Variants in ADH6 observed in about 807,000 individuals in gnomAD.
The protein encoded by ADH6 is alcohol dehydrogenase 6.
In ADH6, 34 loss-of-function variants were observed where a neutral mutation model predicts 36.5. The observed-to-expected ratio is 0.93, with a 90% CI of 0.71 to 1.24. ADH6 has a LOEUF of 1.24. Ranked by LOEUF, ADH6 falls within the 50% of genes most tolerant of loss-of-function variation. ADH6 has a pLI of 0.00. For missense variants in ADH6, 440 were observed against 447.0 expected (o/e 0.98, Z 0.14); for synonymous variants, 161 against 155.5 (o/e 1.04, Z -0.26).
rs1730913163 is a variant in ADH6, at chr4:99,203,147, C to G, written c.*1072G>C. The G allele has an allele frequency of 5.4e-6, 1 of 183,824 alleles. No individual in the cohort carries two copies. 11.4% of individuals were successfully genotyped at this position (183,824 alleles called of 1,614,324 possible). A position where few individuals can be genotyped will look rare whatever the true frequency, so the allele number is the denominator to read the frequency against. On this transcript the variant is annotated 3_prime_UTR_variant, in exon 9 of 9. Coordinates refer to ENST00000394899, the MANE Select transcript of ADH6 (RefSeq NM_001102470.2). ...AGGTCATCCAAAGTTTACTGACATGCAGGGACCCCTGTGTGATCTAGTGGG... is the reference window on the plus strand; with the variant it reads ...AGGTCATCCAAAGTTTACTGACATGGAGGGACCCCTGTGTGATCTAGTGGG...
chr4:99,209,722 G>C lies in ADH6; in HGVS notation c.567+360C>G, dbSNP rs1731158071. Reference sequence around the variant, plus strand: ...GAGTTTTGTTAGCTGCTGAATTCTAGCACCTGGGACAGTGAATGGCTCCGA... The same window carrying C: ...GAGTTTTGTTAGCTGCTGAATTCTACCACCTGGGACAGTGAATGGCTCCGA... On this transcript the variant is annotated intron_variant, in intron 5 of 8. Transcript: ENST00000394899. 2.6e-5 allele frequency among the ~76,000 whole-genome samples: 4 copies of C among 152,184 alleles called. No individual in the cohort carries two copies. In the South Asian group the frequency reaches 8.3e-4, roughly 32 times the overall value.
chr4:99,204,482 G>A, intron 8 of ADH6: 1 of 1,307,992 alleles, frequency 7.6e-7, no homozygotes. Context: ...GGTTATGGCT[G>A]GTTTCTGTTT....
intron 3 of ADH6, among the ~76,000 whole-genome samples, chr4:99,211,832 C>T (rs1011794585): frequency 1.3e-5 from 2 of 152,036 alleles, no homozygotes; most frequent in Non-Finnish European, 2.9e-5. Flanking sequence ...GAAATGTGAG[C>T]AATTTCAGGG....
chr4:99,208,782 A>G lies in ADH6; in HGVS notation c.714T>C (p.Ala238=). Residue 238 remains alanine (A), a synonymous_variant, in exon 6 of 9, where the codon GCT becomes GCC. Coordinates refer to ENST00000394899, the MANE Select transcript of ADH6 (RefSeq NM_001102470.2). ...AGTCCTGAGGGTTGAGGCACTCAGT[A>G]GCACCCAATTCCTGTGCCTTCTTAA... ...EKFKKAQELG[A]TECLNPQDLK... 5.6e-6 allele frequency: 9 copies of G among 1,613,844 alleles called. No individual in the cohort carries two copies. The highest frequency in any genetic ancestry group is 7.6e-6 in the Non-Finnish European group (9 of 1,179,804).
chr4:99,202,771 G>A lies in ADH6; in HGVS notation c.*1448C>T, dbSNP rs1730900995. 1.5e-5 allele frequency: 6 copies of A among 398,178 alleles called. No homozygotes were observed. Among genetic ancestry groups the A allele is most frequent in the Non-Finnish European group, 2.2e-5 (5 of 225,768 alleles). 24.7% of individuals were successfully genotyped at this position (398,178 alleles called of 1,614,324 possible). On this transcript the variant is annotated 3_prime_UTR_variant, in exon 9 of 9. Transcript: ENST00000394899. The stretch of plus-strand genomic sequence containing the variant: ...TCTCACTGTTAGTAAGGTCAATTTG[G>A]GGGCAGAACAGGAACATGCCTTAGC...
chr4:99,217,226 CG>C (rs1196727277), intron 1 of ADH6, among the ~76,000 whole-genome samples: 4 of 151,868 alleles, frequency 2.6e-5, no homozygotes, highest in Non-Finnish European at 4.4e-5. Flanking sequence ...TTAGTAGAGA[CG>C]GGGTTTCACT....
At chr4:99,210,911 G>GA (rs1371917243) in intron 3 of ADH6, among the ~76,000 whole-genome samples, 1 of 151,840 alleles carries the variant, frequency 6.6e-6, no homozygotes, top group Non-Finnish European at 1.5e-5. Flanking sequence ...GGATTAGGGA[G>GA]AAAAAAAATT....
chr4:99,215,503 T>A (rs1274977714), intron 2 of ADH6, among the ~76,000 whole-genome samples: 1 of 152,202 alleles, frequency 6.6e-6, no homozygotes, highest in African/African-American at 2.4e-5. Context: ...GACTTGGTTA[T>A]CAGCATTTTT....
At chr4:99,218,249 C>T (rs1011378173) in intron 1 of ADH6, among the ~76,000 whole-genome samples, 6 of 152,160 alleles carry the variant, frequency 3.9e-5, no homozygotes, top group African/African-American at 1.4e-4. Flanking sequence ...CCTCCCTCTG[C>T]TACCTCTATT....
chr4:99,214,979 A>G (rs1731350920), intron 2 of ADH6, among the ~76,000 whole-genome samples: 1 of 152,208 alleles, frequency 6.6e-6, no homozygotes. Context: ...GATCGTGGTT[A>G]AAAACAGTTA....
intron 3 of ADH6, among the ~76,000 whole-genome samples, 193 bp from the exon 4 acceptor site, chr4:99,210,695 C>A (rs781174923): frequency 1.3e-5 from 2 of 152,120 alleles, no homozygotes; most frequent in Non-Finnish European, 2.9e-5. Flanking sequence ...GCATCTGGGC[C>A]CAGCCCTGGG....
Position 99,202,671 on chromosome 4 carries a change from G to A in ADH6, c.*1548C>T. 2.5e-6 allele frequency: 1 copy of A among 397,766 alleles called. No homozygotes were observed. Among genetic ancestry groups the A allele is most frequent in the Admixed American group, 4.4e-5 (1 of 22,708 alleles). 24.6% of individuals were successfully genotyped at this position (397,766 alleles called of 1,614,324 possible). On this transcript the variant is annotated 3_prime_UTR_variant, in exon 9 of 9. Coordinates refer to ENST00000394899, the MANE Select transcript of ADH6 (RefSeq NM_001102470.2). ...AGGAACCGAGCTTTATTGGAGCAAA[G>A]AGTGTGGACACTGTTTACAACAAAA... is the stretch of plus-strand genomic sequence containing the variant.
rs112226998 is a variant in ADH6 at position 99,207,540 on chromosome 4, A to G, written c.870T>C (p.Cys290=). ...TGGCAGGCAACACCCCAACAACCAC[A>G]CAGACCCCATAGCTCTCATTGCAGG... ...LASCNESYGV[C]VVVGVLPASV... The change falls in exon 7 of 9, where the codon TGT becomes TGC. Residue 290 remains cysteine (C), a synonymous_variant. Coordinates refer to ENST00000394899, the MANE Select transcript of ADH6 (RefSeq NM_001102470.2). 9.3e-6 allele frequency: 15 copies of G among 1,613,428 alleles called. 1 individual carries two copies. The African/African-American group carries it at 9.3e-5, about 10-fold the overall frequency.
In ADH6 at chr4:99,214,041, A is replaced by G. The variant is rs185088995; in HGVS notation, c.121-294T>C. 2.0e-4 allele frequency among the ~76,000 whole-genome samples: 30 copies of G among 152,270 alleles called. 1 individual carries two copies. In the East Asian group the frequency reaches 3.5e-3, roughly 18 times the overall value. ...GTGTGACTTGATGTCTGAGGTCTCA[A>G]TTGGCTTCATTGATCTTGTAGATGG... On this transcript the variant is annotated intron_variant, in intron 2 of 8. Transcript: ENST00000394899.
intron 3 of ADH6, among the ~76,000 whole-genome samples, chr4:99,210,789 T>C (rs771814676): frequency 5.3e-5 from 8 of 152,184 alleles, no homozygotes; most frequent in Non-Finnish European, 1.2e-4. Flanking sequence ...TTTTTTGTCA[T>C]ATATCCATTC....
intron 1 of ADH6, among the ~76,000 whole-genome samples, chr4:99,218,634 T>G (rs1262948509): frequency 6.6e-6 from 1 of 152,170 alleles, no homozygotes; most frequent in Non-Finnish European, 1.5e-5. Context: ...ATTCTGAAGC[T>G]TCTTGCATGG....
In ADH6 at chr4:99,219,107, A is replaced by T. The variant is rs373742256; in HGVS notation, c.18+28T>A. ...GCACACAAACTGACAAAGATATGAC[A>T]CAACATAAAGAATAAGACTGCACCT... On this transcript the variant is annotated intron_variant, in intron 1 of 8. Coordinates refer to ENST00000394899, the MANE Select transcript of ADH6 (RefSeq NM_001102470.2). 343 of 1,604,626 alleles carry T rather than the reference A, an allele frequency of 2.1e-4. 1 individual carries two copies. The highest frequency in any genetic ancestry group is 2.8e-4 in the Non-Finnish European group (325 of 1,171,626).
chr4:99,214,710 A>G (rs1280536818), intron 2 of ADH6, among the ~76,000 whole-genome samples: 1 of 152,162 alleles, frequency 6.6e-6, no homozygotes, highest in Non-Finnish European at 1.5e-5. Context: ...ACACATAGCC[A>G]CACATTCACA....
At chr4:99,209,279 A>G (rs1381896719) in intron 5 of ADH6, among the ~76,000 whole-genome samples, 1 of 151,916 alleles carries the variant, frequency 6.6e-6, no homozygotes, top group Non-Finnish European at 1.5e-5. Context: ...CTATCTTCCT[A>G]CAACCATTTC....
Sources: gnomAD v4.1 joint callset for allele counts (sites outside exome capture counted in the v4.1 genomes callset) on GRCh38, gnomAD v4.1.1 for gene constraint, MANE v1.5 for transcripts, NCBI Gene and HGNC (gene_info 2026-07-23, HGNC 2026-07-21) for gene names.